The following DRC9 variants were observed in gnomAD, a reference collection of about 807,000 sequenced individuals.
The protein encoded by DRC9 is dynein regulatory complex protein 9.
the DRC9 span, among the ~76,000 whole-genome samples, chr3:197,902,900 G>A: frequency 6.6e-6 from 1 of 152,046 alleles, no homozygotes; most frequent in Non-Finnish European, 1.5e-5. Flanking sequence ...AAATAAACTG[G>A]AAGAATCACA....
At chr3:197,940,150 T>A in the DRC9 span, among the ~76,000 whole-genome samples, 1 of 151,888 alleles carries the variant, frequency 6.6e-6, no homozygotes, top group Non-Finnish European at 1.5e-5. Flanking sequence ...CACACCATCA[T>A]GCCCGGCTAA....
the DRC9 span, chr3:197,954,387 G>A: frequency 1.8e-6 from 1 of 555,460 alleles, no homozygotes. Flanking sequence ...AGGCTGGGGT[G>A]CAGTGGCATA....
At chr3:197,913,061 G>A in the DRC9 span, 1 of 306,032 alleles carries the variant, frequency 3.3e-6, no homozygotes, top group Non-Finnish European at 6.1e-6. Context: ...CGGAGTGCCA[G>A]GAAGAGTGTT....
the DRC9 span, among the ~76,000 whole-genome samples, chr3:197,890,404 CAAAA>C: frequency 4.8e-5 from 6 of 124,032 alleles, no homozygotes; most frequent in South Asian, 5.1e-4. Context: ...GATGCTGTCT[CAAAA>C]AAAAAAAAAA....
chr3:197,955,516 C>G, the DRC9 span, among the ~76,000 whole-genome samples: 1 of 152,166 alleles, frequency 6.6e-6, no homozygotes, highest in South Asian at 2.1e-4. Context: ...CCCGCCTAGG[C>G]CTCCCAAAGT....
the DRC9 span, among the ~76,000 whole-genome samples, chr3:197,934,734 G>A: frequency 1.3e-5 from 2 of 151,608 alleles, no homozygotes; most frequent in African/African-American, 2.4e-5. Flanking sequence ...TTGAGGGGCC[G>A]AGGCAGGAGG....
chr3:197,915,283 A>C, the DRC9 span, among the ~76,000 whole-genome samples: 2 of 150,344 alleles, frequency 1.3e-5, no homozygotes, highest in African/African-American at 4.9e-5. Context: ...ATCCTGAAGC[A>C]ATCAAGACCT....
the DRC9 span, among the ~76,000 whole-genome samples, chr3:197,947,843 A>T: frequency 6.6e-6 from 1 of 150,590 alleles, no homozygotes; most frequent in African/African-American, 2.5e-5. Context: ...TTCTCTCCAA[A>T]CGTCTCTCTC....
the DRC9 span, among the ~76,000 whole-genome samples, chr3:197,944,872 C>T: frequency 4.6e-5 from 7 of 152,194 alleles, no homozygotes; most frequent in African/African-American, 9.7e-5. Context: ...TGAGCCACCG[C>T]GCCTGGCCTA....
chr3:197,935,439 C>T, the DRC9 span, among the ~76,000 whole-genome samples: 1 of 95,276 alleles, frequency 1.0e-5, no homozygotes, highest in Non-Finnish European at 2.1e-5. Flanking sequence ...ACTCTGTCTC[C>T]AAAAAAAAAA....
chr3:197,914,247 G>A, the DRC9 span, among the ~76,000 whole-genome samples: 5 of 152,150 alleles, frequency 3.3e-5, no homozygotes, highest in Non-Finnish European at 2.9e-5. Context: ...GAATCAGGGC[G>A]CATCAGGGCT....
At chr3:197,925,641 T>A in the DRC9 span, among the ~76,000 whole-genome samples, 1 of 150,984 alleles carries the variant, frequency 6.6e-6, no homozygotes, top group South Asian at 2.1e-4. Flanking sequence ...CAGGCTGGAG[T>A]TCAATGGTGC....
the DRC9 span, chr3:197,951,254 G>A: frequency 1.2e-6 from 2 of 1,614,178 alleles, no homozygotes; most frequent in Non-Finnish European, 1.7e-6. Flanking sequence ...GTTTACGCCC[G>A]AGATGAAACA....
the DRC9 span, among the ~76,000 whole-genome samples, chr3:197,904,692 C>CTTTA: frequency 6.6e-6 from 1 of 151,970 alleles, no homozygotes. Context: ...GAAACCCCAT[C>CTTTA]TTTACTAAAA....
chr3:197,949,448 AC>A, the DRC9 span: 1 of 152,094 alleles, frequency 6.6e-6, no homozygotes, highest in African/African-American at 2.4e-5. Flanking sequence ...TCCTCCTCAT[AC>A]CTCGGATCCA....
the DRC9 span, chr3:197,945,686 C>T: frequency 1.6e-6 from 2 of 1,286,888 alleles, no homozygotes; most frequent in South Asian, 2.6e-5. Flanking sequence ...AGTGCAGTTA[C>T]CTAAAATGGG....
the DRC9 span, chr3:197,938,847 T>C: frequency 8.9e-7 from 1 of 1,124,132 alleles, no homozygotes. Context: ...AAGAGGCCTT[T>C]GTGTACATTT....
chr3:197,943,717 C>CTA, the DRC9 span: 257 of 1,370,172 alleles, frequency 1.9e-4, no homozygotes, highest in African/African-American at 3.5e-3. Context: ...GGGATAGGTA[C>CTA]TATAAATGAG....
At chr3:197,913,405 C>CT in the DRC9 span, 1 of 265,776 alleles carries the variant, frequency 3.8e-6, no homozygotes, top group South Asian at 5.0e-5. Context: ...TCTACCACTT[C>CT]TTTCTTCCTC....
Sources: allele counts gnomAD v4.1 joint callset (sites outside exome capture counted in the v4.1 genomes callset), GRCh38; gene constraint gnomAD v4.1.1; transcripts MANE v1.5; gene names NCBI Gene and HGNC (gene_info 2026-07-23, HGNC 2026-07-21).